Variants in TNN observed in about 807,000 individuals in gnomAD.
TNN encodes tenascin-N.
Under a neutral mutation model 134.4 loss-of-function variants are expected in TNN, and 122 were observed. That is an observed-to-expected ratio of 0.91 (90% confidence interval 0.78 to 1.06). TNN has a LOEUF of 1.06. Among genes scored for constraint, TNN ranks in the 50% least tolerant of loss-of-function variants. TNN has a pLI of 0.00. For synonymous variants in TNN, 710 were observed against 670.3 expected, an observed-to-expected ratio of 1.06 and a Z score of -0.91; for missense variants, 1,739 against 1,699.4, an observed-to-expected ratio of 1.02 and a Z score of -0.41.
chr1:175,097,752 AG>A, intron 8 of TNN, 69 bp downstream of exon 8: 1 of 1,594,956 alleles, frequency 6.3e-7, no homozygotes, highest in Non-Finnish European at 8.6e-7. Flanking sequence ...ATGGTATCAA[AG>A]GATGTGGCCT....
rs1283830208 is a variant in TNN at position 175,098,473 on chromosome 1, T to C, written c.1997T>C (p.Val666Ala). The C allele has an allele frequency of 9.3e-6, 15 of 1,613,532 alleles. No homozygotes were observed. The highest frequency in any genetic ancestry group is 2.7e-5 in the African/African-American group (2 of 74,710). Residue 666 changes from valine (V) to alanine (A), a missense_variant, in exon 9 of 19, where the codon GTG (valine) becomes GCG (alanine). Physicochemically the swap from Val to Ala is moderately conservative, Grantham distance 64. Transcript: ENST00000239462. ...SAGGETREVP[V>A]GKEQSSTVLT... The stretch of plus-strand genomic sequence containing the variant: ...GGTGGAGAGACCAGGGAGGTTCCGG[T>C]GGGGAAGGAGCAGAGCAGCACAGTC...
chr1:175,123,496 T>A lies in TNN; in HGVS notation c.2747T>A (p.Met916Lys). Reference protein sequence around the residue: ...DPVQATIDKYMVRYTSADGET... With the variant: ...DPVQATIDKYKVRYTSADGET... ...GTTCAGGCCACCATTGACAAGTACA[T>A]GGTGCGCTACACCTCTGCTGACGGA... Residue 916 changes from methionine to lysine, a missense_variant, in exon 12 of 19, where the codon ATG (methionine) becomes AAG (lysine). By Grantham distance (95) the Met-to-Lys change is moderately conservative. Coordinates refer to ENST00000239462, the MANE Select transcript of TNN (RefSeq NM_022093.2). 2 of 1,614,194 alleles carry A rather than the reference T, an allele frequency of 1.2e-6. No homozygotes were observed. Among genetic ancestry groups the A allele is most frequent in the Non-Finnish European group, 1.7e-6 (2 of 1,180,040 alleles).
At chr1:175,093,594 G>A (rs1674501066) in intron 6 of TNN, among the ~76,000 whole-genome samples, 1 of 152,132 alleles carries the variant, frequency 6.6e-6, no homozygotes, top group Non-Finnish European at 1.5e-5. Context: ...CAGGGGAGGT[G>A]ATGTTGTTTT....
chr1:175,071,647 C>G (rs1051330106), intron 1 of TNN, among the ~76,000 whole-genome samples: 6 of 152,122 alleles, frequency 3.9e-5, no homozygotes, highest in African/African-American at 1.4e-4. Flanking sequence ...ATATAACAGA[C>G]AGATGAAGAA....
intron 2 of TNN, 78 bp from the exon 3 acceptor site, chr1:175,079,255 G>T: frequency 1.4e-6 from 2 of 1,380,290 alleles, no homozygotes; most frequent in Non-Finnish European, 9.5e-7. Context: ...TCTGGGTCTT[G>T]CATGGCTGAT....
chr1:175,073,415 C>T (rs1673964641), intron 1 of TNN, among the ~76,000 whole-genome samples: 1 of 152,064 alleles, frequency 6.6e-6, no homozygotes, highest in African/African-American at 2.4e-5. Flanking sequence ...CTTCCCACTC[C>T]CCCCATCTTC....
intron 9 of TNN, among the ~76,000 whole-genome samples, chr1:175,113,519 C>G (rs1389217340): frequency 6.6e-6 from 1 of 152,142 alleles, no homozygotes; most frequent in Non-Finnish European, 1.5e-5. Flanking sequence ...GACAACTTGA[C>G]TATAATATAC....
Position 175,079,354 on chromosome 1 carries a change from G to C in TNN, c.431G>C (p.Gly144Ala). Residue 144 changes from glycine to alanine, a missense_variant, in exon 3 of 19, where the codon GGC becomes GCC. Coordinates refer to ENST00000239462, the MANE Select transcript of TNN (RefSeq NM_022093.2). Reference protein sequence around the residue: ...GVTDLSRHCSGHGTFSLETCS... With the variant: ...GVTDLSRHCSAHGTFSLETCS... The stretch of plus-strand genomic sequence containing the variant: ...CCAGATCTAAGCCGCCACTGCAGCG[G>C]CCACGGGACCTTCTCCCTGGAGACC... The C allele has an allele frequency of 6.3e-7, 1 of 1,597,616 alleles. No homozygotes were observed. Among genetic ancestry groups the C allele is most frequent in the Non-Finnish European group, 8.5e-7 (1 of 1,177,064 alleles).
At chr1:175,143,720 C>T (rs946613509) in intron 17 of TNN, among the ~76,000 whole-genome samples, 7 of 152,102 alleles carry the variant, frequency 4.6e-5, no homozygotes, top group Non-Finnish European at 8.8e-5. Flanking sequence ...GTGCATAGGG[C>T]ACAACCAACC....
At chr1:175,138,160 CTG>C (rs1377989543) in intron 17 of TNN, among the ~76,000 whole-genome samples, 1 of 152,198 alleles carries the variant, frequency 6.6e-6, no homozygotes, top group African/African-American at 2.4e-5. Flanking sequence ...TGGCAGAAGA[CTG>C]TGAACAGAAC....
intron 6 of TNN, among the ~76,000 whole-genome samples, chr1:175,086,060 C>A (rs1435991046): frequency 2.6e-5 from 4 of 152,182 alleles, no homozygotes; most frequent in African/African-American, 7.2e-5. Flanking sequence ...TGACACCGTT[C>A]TGCTTATTTT....
chr1:175,144,661 C>G (rs1177957615), intron 18 of TNN, 111 bp downstream of exon 18: 2 of 1,212,184 alleles, frequency 1.6e-6, no homozygotes, highest in Non-Finnish European at 2.3e-6. Context: ...AGCTTCCAGT[C>G]AAAGCAGTAG....
intron 6 of TNN, 106 bp downstream of exon 6, chr1:175,085,600 C>T (rs1055846559): frequency 2.2e-5 from 18 of 830,550 alleles, no homozygotes; most frequent in African/African-American, 1.2e-4. Flanking sequence ...TGCAGACAGA[C>T]GGGGTGGCTC....
At chr1:175,095,929 G>A (rs1388116961) in intron 7 of TNN, among the ~76,000 whole-genome samples, 4 of 148,864 alleles carry the variant, frequency 2.7e-5, no homozygotes, top group African/African-American at 5.2e-5. Flanking sequence ...TTTCTTAGGC[G>A]GTGGTGGTGT....
chr1:175,086,568 C>G (rs1307540025), intron 6 of TNN, among the ~76,000 whole-genome samples: 1 of 152,108 alleles, frequency 6.6e-6, no homozygotes, highest in Non-Finnish European at 1.5e-5. Context: ...AGTTTTGAGT[C>G]TTCGTTGAAA....
intron 9 of TNN, among the ~76,000 whole-genome samples, chr1:175,116,513 C>T (rs1675171466): frequency 6.6e-6 from 1 of 152,214 alleles, no homozygotes; most frequent in South Asian, 2.1e-4. Context: ...ATGGAATATT[C>T]ATGCTTGAAT....
At chr1:175,075,967 GGTTA>G (rs1262718412) in intron 1 of TNN, among the ~76,000 whole-genome samples, 2 of 152,162 alleles carry the variant, frequency 1.3e-5, no homozygotes, top group African/African-American at 4.8e-5. Context: ...GCAGGTCTTG[GGTTA>G]GTTACAGAAA....
rs76088304 is a variant in TNN at position 175,135,902 on chromosome 1, G to A, written c.3388G>A (p.Val1130Met). ...LDFFKRWRSY[V>M]EGFGDPMKEF... is the part of the protein sequence containing the mutation. ...TTTCTTCAAGCGATGGAGGAGCTAT[G>A]TGGAAGGCTTTGGGGACCCCATGAA... The change falls in exon 16 of 19, where the codon GTG (valine) becomes ATG (methionine). Residue 1130 changes from valine to methionine, a missense_variant. Transcript: ENST00000239462. 2,262 of 1,613,924 alleles carry A rather than the reference G, an allele frequency of 1.4e-3. 38 individuals are homozygous for A. In the African/African-American group the frequency reaches 0.027, roughly 19 times the overall value.
chr1:175,099,159 C>T (rs184187505), intron 9 of TNN, among the ~76,000 whole-genome samples: 4 of 152,320 alleles, frequency 2.6e-5, no homozygotes, highest in East Asian at 1.9e-4. Flanking sequence ...TCCTCTCTCT[C>T]GACTTGGGCC....
Sources: gnomAD v4.1 joint callset for allele counts (sites outside exome capture counted in the v4.1 genomes callset) on GRCh38, gnomAD v4.1.1 for gene constraint, MANE v1.5 for transcripts, NCBI Gene and HGNC (gene_info 2026-07-23, HGNC 2026-07-21) for gene names.